IGDCC4: variants seen among roughly 807,000 people sequenced by gnomAD.
The protein encoded by IGDCC4 is likely ortholog of mouse neighbor of Punc E11.
A neutral mutation model predicts 116.6 loss-of-function variants in IGDCC4; 72 were observed. That is an observed-to-expected ratio of 0.62 (90% confidence interval 0.51 to 0.75). IGDCC4 has a LOEUF of 0.75. Among genes scored for constraint, IGDCC4 ranks in the 30% least tolerant of loss-of-function variants. The pLI is 0.00. For synonymous variants in IGDCC4, 709 were observed against 719.9 expected, an observed-to-expected ratio of 0.98 and a Z score of 0.24; for missense variants, 1,501 against 1,662.4, an observed-to-expected ratio of 0.90 and a Z score of 1.69.
intron 1 of IGDCC4, among the ~76,000 whole-genome samples, chr15:65,418,823 G>T (rs374021059): frequency 2.0e-5 from 3 of 148,348 alleles, no homozygotes; most frequent in Non-Finnish European, 3.0e-5. Context: ...AGAAAGAGGT[G>T]GGGGGGGTTA....
chr15:65,396,761 C>G, intron 6 of IGDCC4, 73 bp downstream of exon 6: 1 of 1,514,614 alleles, frequency 6.6e-7, no homozygotes, highest in Non-Finnish European at 8.8e-7. Flanking sequence ...GCACACCCAC[C>G]CGTCCACCTC....
intron 1 of IGDCC4, among the ~76,000 whole-genome samples, chr15:65,412,598 C>G: frequency 7.1e-6 from 1 of 140,862 alleles, no homozygotes; most frequent in East Asian, 2.2e-4. Context: ...TGGAACCTAA[C>G]AGATCATATT....
At chr15:65,386,098 G>C (rs1251267189) in intron 17 of IGDCC4, 39 bp from the exon 18 acceptor site, 93 of 1,314,220 alleles carry the variant, frequency 7.1e-5, no homozygotes, top group Non-Finnish European at 9.4e-5. Flanking sequence ...AGCGGTCAGA[G>C]TAAGGGGTCA....
At chr15:65,388,073 G>A (rs1006152293) in intron 16 of IGDCC4, among the ~76,000 whole-genome samples, 72 of 152,064 alleles carry the variant, frequency 4.7e-4, no homozygotes, top group Admixed American at 2.0e-4. Flanking sequence ...GTGAAATCCT[G>A]TCTCTACTAA....
At chr15:65,404,638 G>T (rs1160106210) in intron 3 of IGDCC4, among the ~76,000 whole-genome samples, 4 of 151,540 alleles carry the variant, frequency 2.6e-5, no homozygotes, top group Non-Finnish European at 5.9e-5. Context: ...TCTCTCCTTT[G>T]AAAAAATAAC....
At position 65,385,109 on chromosome 15, in the gene IGDCC4, A is replaced by G. The variant is rs781059722; in HGVS notation, c.3187T>C (p.Trp1063Arg). 1 of 1,592,068 alleles carries G rather than the reference A, an allele frequency of 6.3e-7. No homozygotes were observed. Among genetic ancestry groups the G allele is most frequent in the Admixed American group, 1.7e-5 (1 of 57,350 alleles). The change falls in exon 19 of 20, where the codon TGG becomes CGG. Residue 1063 changes from tryptophan (W) to arginine (R), a missense_variant. Physicochemically the swap from Trp to Arg is moderately radical, Grantham distance 101 (BLOSUM62 -3). Transcript: ENST00000352385. ...GRSHSKRKIS[W>R]AQPSGLSWAG... ...CAGCTCAGCCCGCTTGGTTGAGCCC[A>G]GGAGATCTGCACGGGGGAAAGAAGG...
chr15:65,394,977 A>C, intron 8 of IGDCC4, 117 bp downstream of exon 8: 1 of 1,144,830 alleles, frequency 8.7e-7, no homozygotes. Flanking sequence ...CTTACGGGGC[A>C]CAAAAGATGA....
At chr15:65,401,056 T>C in intron 4 of IGDCC4, 110 bp from the exon 5 acceptor site, 1 of 1,386,772 alleles carries the variant, frequency 7.2e-7, no homozygotes, top group African/African-American at 1.4e-5. Context: ...ACAGCAGCAA[T>C]GATTCCATCT....
chr15:65,411,453 G>A (rs1394175468), intron 1 of IGDCC4, 83 bp from the exon 2 acceptor site: 3 of 1,227,002 alleles, frequency 2.4e-6, no homozygotes, highest in South Asian at 3.3e-5. Flanking sequence ...CCATGCAGGG[G>A]CTGGGGCAAA....
Position 65,384,846 on chromosome 15 carries a change from TCC to T in IGDCC4, c.3342+106_3342+107del, listed in dbSNP as rs2140186309. 1 of 1,398,376 alleles carries T rather than the reference TCC, an allele frequency of 7.2e-7. No individual in the cohort carries two copies. The highest frequency in any genetic ancestry group is 9.6e-7 in the Non-Finnish European group (1 of 1,041,882). The allele number at this position is 1,398,376 out of a possible 1,614,324, so 86.6% of individuals were successfully genotyped here. A position where few individuals can be genotyped will look rare whatever the true frequency, so the allele number is the denominator to read the frequency against. The stretch of plus-strand genomic sequence containing the variant: ...CAGGGGTCTCCTGGCTAGACTTCTA[TCC>T]CCAGGAAAGTTACCACCCAGGGGTC... On this transcript the variant is annotated intron_variant, in intron 19 of 19. Transcript: ENST00000352385. The surrounding 1 kb of genome is among the most constrained non-coding windows in gnomAD (Gnocchi z 4.9).
chr15:65,406,869 G>A (rs1273319736), intron 3 of IGDCC4, among the ~76,000 whole-genome samples: 1 of 152,188 alleles, frequency 6.6e-6, no homozygotes, highest in Non-Finnish European at 1.5e-5. Context: ...TGAGCTAGAC[G>A]TTGGGGGTGG....
At position 65,393,105 on chromosome 15, in the gene IGDCC4, A is replaced by G. The variant is rs74348872; in HGVS notation, c.1885+256T>C. The stretch of plus-strand genomic sequence containing the variant: ...CTAAGCACTTTAGTTACAATACATT[A>G]TTCAACCTCATGCCATTCCTGGGCA... On this transcript the variant is annotated intron_variant, in intron 10 of 19. Transcript: ENST00000352385. The surrounding 1 kb of genome is among the most constrained non-coding windows in gnomAD (Gnocchi z 4.6). Among the ~76,000 whole-genome samples the G allele has an allele frequency of 0.025, 3,852 of 152,264 alleles. 161 individuals are homozygous for G. The highest frequency in any genetic ancestry group is 0.088 in the African/African-American group (3,644 of 41,512).
chr15:65,415,486 G>T (rs1255243135), intron 1 of IGDCC4, among the ~76,000 whole-genome samples: 2 of 152,232 alleles, frequency 1.3e-5, no homozygotes, highest in Non-Finnish European at 2.9e-5. Context: ...CAGCAAGGCA[G>T]GAACAGGGAA....
chr15:65,395,408 C>G, intron 7 of IGDCC4, 150 bp from the exon 8 acceptor site: 1 of 795,262 alleles, frequency 1.3e-6, no homozygotes, highest in Non-Finnish European at 1.9e-6. Context: ...TAAACTCCCT[C>G]AGCTTCCTGT....
chr15:65,396,694 C>T, intron 6 of IGDCC4, 140 bp downstream of exon 6: 1 of 1,097,854 alleles, frequency 9.1e-7, no homozygotes, highest in Non-Finnish European at 1.3e-6. Flanking sequence ...CCCACCTCCG[C>T]CTTACTAGGG....
intron 2 of IGDCC4, chr15:65,410,558 T>G: frequency 1.8e-6 from 1 of 562,530 alleles, no homozygotes; most frequent in Non-Finnish European, 3.2e-6. Flanking sequence ...GGTCAAACTA[T>G]ACAGTAAGAT....
At chr15:65,420,649 C>A (rs2063182060) in intron 1 of IGDCC4, among the ~76,000 whole-genome samples, 1 of 152,118 alleles carries the variant, frequency 6.6e-6, no homozygotes, top group African/African-American at 2.4e-5. Flanking sequence ...CCCCATCCAC[C>A]CCTTGTCCCT....
chr15:65,404,169 G>T (rs916421059), intron 3 of IGDCC4, among the ~76,000 whole-genome samples: 21 of 152,114 alleles, frequency 1.4e-4, no homozygotes, highest in Non-Finnish European at 2.9e-5. Context: ...CTAAACAGGG[G>T]CCCTACAAAC....
chr15:65,397,142 G>C (rs1247638219), intron 5 of IGDCC4, among the ~76,000 whole-genome samples, 153 bp from the exon 6 acceptor site: 1 of 152,214 alleles, frequency 6.6e-6, no homozygotes, highest in Non-Finnish European at 1.5e-5. Context: ...GACTCTCTGA[G>C]CCCGGCTGTC....
Sources: gnomAD v4.1 joint callset for allele counts (sites outside exome capture counted in the v4.1 genomes callset) on GRCh38, gnomAD v4.1.1 for gene constraint, Gnocchi (gnomAD v3.1) non-coding constraint, MANE v1.5 for transcripts, NCBI Gene and HGNC (gene_info 2026-07-23, HGNC 2026-07-21) for gene names.